The following EXOC2 variants were observed in gnomAD, a reference collection of about 807,000 sequenced individuals.
EXOC2 encodes the protein SEC5-like 1.
EXOC2 carries 70 observed loss-of-function variants against 131.8 expected under a neutral mutation model. That is an observed-to-expected ratio of 0.53 (90% confidence interval 0.44 to 0.65). The LOEUF (loss-of-function observed/expected upper bound fraction) is 0.65, where lower values mean the gene tolerates loss of function less well. EXOC2 is among the 30% of genes least tolerant of loss of function. The probability of loss-of-function intolerance (pLI) is 0.00; values close to 1 mark genes in which losing one functional copy is unlikely to be tolerated. For synonymous variants in EXOC2, 411 were observed against 398.4 expected (o/e 1.03, Z -0.38); for missense variants, 923 against 1,108.6 (o/e 0.83, Z 2.38).
At chr6:561,147 TA>T (rs1757680402) in intron 17 of EXOC2, among the ~76,000 whole-genome samples, 1 of 152,266 alleles carries the variant, frequency 6.6e-6, no homozygotes, top group Admixed American at 6.5e-5. Flanking sequence ...CACCTTGTTA[TA>T]TATAAAGTAA....
intron 13 of EXOC2, among the ~76,000 whole-genome samples, chr6:570,496 C>A (rs1427747794): frequency 6.6e-6 from 1 of 152,166 alleles, no homozygotes; most frequent in Non-Finnish European, 1.5e-5. Flanking sequence ...AATTCTACTC[C>A]AGCAGTTCAT....
intron 23 of EXOC2, among the ~76,000 whole-genome samples, chr6:522,987 A>G (rs879380278): frequency 3.3e-5 from 5 of 152,264 alleles, no homozygotes; most frequent in Non-Finnish European, 7.3e-5. Context: ...CTGTGAGGAA[A>G]GAAGAAACCT....
At chr6:548,294 C>G (rs937039530) in intron 22 of EXOC2, among the ~76,000 whole-genome samples, 1 of 152,094 alleles carries the variant, frequency 6.6e-6, no homozygotes, top group Non-Finnish European at 1.5e-5. Flanking sequence ...CTGGAACCAC[C>G]ATTTATAAAA....
At chr6:658,663 ATAT>A (rs1437362007) in intron 1 of EXOC2, among the ~76,000 whole-genome samples, 1,217 of 71,842 alleles carry the variant, frequency 0.017, 35 homozygotes, top group African/African-American at 0.048. Context: ...ATATATATAT[ATAT>A]TTTTTTTTTT....
chr6:544,254 G>T (rs1048801371), intron 22 of EXOC2, among the ~76,000 whole-genome samples: 2 of 152,120 alleles, frequency 1.3e-5, no homozygotes, highest in African/African-American at 4.8e-5. Context: ...TTCTTGCTTT[G>T]TGAAACCTTT....
At chr6:567,858 G>T (rs918410237) in intron 13 of EXOC2, among the ~76,000 whole-genome samples, 6 of 152,196 alleles carry the variant, frequency 3.9e-5, no homozygotes, top group Non-Finnish European at 8.8e-5. Flanking sequence ...CGACATGAGA[G>T]TGGCCCCGGG....
chr6:517,333 C>A (rs1765215851), intron 23 of EXOC2, among the ~76,000 whole-genome samples: 1 of 151,664 alleles, frequency 6.6e-6, no homozygotes, highest in Non-Finnish European at 1.5e-5. Context: ...AAAGAGGGCA[C>A]AACTAAATTA....
intron 13 of EXOC2, among the ~76,000 whole-genome samples, chr6:572,049 A>G (rs1266608185): frequency 6.6e-6 from 1 of 152,208 alleles, no homozygotes; most frequent in Non-Finnish European, 1.5e-5. Context: ...GCTGATAACA[A>G]TGGGGCTAGA....
chr6:686,957 T>G (rs1764684110), intron 1 of EXOC2, among the ~76,000 whole-genome samples: 1 of 152,088 alleles, frequency 6.6e-6, no homozygotes, highest in Non-Finnish European at 1.5e-5. Flanking sequence ...CAAAAGAGTT[T>G]CATACAAGAG....
chr6:489,597 AAAG>A (rs1315531681), intron 26 of EXOC2, among the ~76,000 whole-genome samples: 1 of 152,382 alleles, frequency 6.6e-6, no homozygotes, highest in East Asian at 1.9e-4. Context: ...AGAATTTTAA[AAAG>A]AAAACTGTGG....
At position 501,157 on chromosome 6, in the gene EXOC2, C is replaced by A. The variant is rs1489195978; in HGVS notation, c.2381-1457G>T. ...ATATATCTATATATATTATATATATCTATATATATTATATATATCTATATA... is the reference window on the plus strand; with the variant it reads ...ATATATCTATATATATTATATATATATATATATATTATATATATCTATATA... On this transcript the variant is annotated intron_variant, in intron 23 of 27. Coordinates refer to ENST00000230449, the MANE Select transcript of EXOC2 (RefSeq NM_018303.6). Among the ~76,000 whole-genome samples the A allele has an allele frequency of 8.4e-4, 26 of 30,978 alleles. 1 individual carries two copies. The highest frequency in any genetic ancestry group is 3.3e-3 in the African/African-American group (23 of 7,044). 20.3% of individuals were successfully genotyped at this position (30,978 alleles called of 152,430 possible). A position where few individuals can be genotyped will look rare whatever the true frequency, so the allele number is the denominator to read the frequency against.
intron 21 of EXOC2, among the ~76,000 whole-genome samples, chr6:550,445 T>C (rs957633661): frequency 2.0e-5 from 3 of 152,190 alleles, no homozygotes; most frequent in African/African-American, 4.8e-5. Flanking sequence ...TCTGGCAGAG[T>C]GTGTAGCCTA....
chr6:501,278 CTA>C (rs1444470057), intron 23 of EXOC2, among the ~76,000 whole-genome samples: 6 of 6,028 alleles, frequency 1.0e-3, no homozygotes, highest in South Asian at 5.4e-3. Context: ...TTATATATAT[CTA>C]TATATATTAT....
At chr6:659,668 G>A (rs1241771040) in intron 1 of EXOC2, among the ~76,000 whole-genome samples, 2 of 152,200 alleles carry the variant, frequency 1.3e-5, no homozygotes, top group African/African-American at 4.8e-5. Context: ...CTGGAGGGGT[G>A]AGCGAAACAC....
intron 11 of EXOC2, among the ~76,000 whole-genome samples, chr6:588,410 T>C (rs1206426596): frequency 1.3e-5 from 2 of 152,182 alleles, no homozygotes; most frequent in Non-Finnish European, 2.9e-5. Flanking sequence ...TGGAGTGCAG[T>C]GGTACGATCT....
At chr6:679,545 C>CT (rs1764303689) in intron 1 of EXOC2, 2 of 152,290 alleles carry the variant, frequency 1.3e-5, no homozygotes, top group African/African-American at 4.8e-5. Context: ...GTGTCAAAGC[C>CT]TTAGACATGC....
In EXOC2 at chr6:556,606, CTG is replaced by C. The variant is rs1270085078; in HGVS notation, c.1852-44_1852-43del. On this transcript the variant is annotated intron_variant, in intron 17 of 27. Coordinates refer to ENST00000230449, the MANE Select transcript of EXOC2 (RefSeq NM_018303.6). ...ATATTGTAAAACTCAAAAATGAGCA[CTG>C]GCTGTGAAGACATGTTTAACACAAG... is the stretch of plus-strand genomic sequence containing the variant. 2 of 1,606,432 alleles carry C rather than the reference CTG, an allele frequency of 1.2e-6. 1 individual carries two copies. The highest frequency in any genetic ancestry group is 1.7e-6 in the Non-Finnish European group (2 of 1,174,060).
At chr6:686,872 C>T (rs1420752652) in intron 1 of EXOC2, among the ~76,000 whole-genome samples, 3 of 152,172 alleles carry the variant, frequency 2.0e-5, no homozygotes, top group Non-Finnish European at 4.4e-5. Context: ...AGTGCAAATT[C>T]ATCCCCCTCC....
At chr6:546,556 T>A (rs564394302) in intron 22 of EXOC2, among the ~76,000 whole-genome samples, 1 of 152,334 alleles carries the variant, frequency 6.6e-6, no homozygotes, top group Admixed American at 6.5e-5. Context: ...ACGCATTTTC[T>A]TCTGCCTCCG....
Sources: gnomAD v4.1 joint callset for allele counts (sites outside exome capture counted in the v4.1 genomes callset) on GRCh38, gnomAD v4.1.1 for gene constraint, MANE v1.5 for transcripts, NCBI Gene and HGNC (gene_info 2026-07-23, HGNC 2026-07-21) for gene names.